The following CACNA2D3 variants were observed in gnomAD, a reference collection of about 807,000 sequenced individuals.
CACNA2D3 encodes the protein voltage-dependent calcium channel subunit alpha-2/delta-3.
Under a neutral mutation model 160.6 loss-of-function variants are expected in CACNA2D3, and 60 were observed. The observed-to-expected ratio is 0.37, with a 90% CI of 0.30 to 0.46. CACNA2D3 has a LOEUF of 0.46. Among genes scored for constraint, CACNA2D3 ranks in the 20% least tolerant of loss-of-function variants. The pLI, the probability that CACNA2D3 is intolerant of heterozygous loss-of-function variation, is 1.00. For synonymous variants in CACNA2D3, 558 were observed against 492.9 expected (o/e 1.13, Z -1.75); for missense variants, 1,205 against 1,365.0 (o/e 0.88, Z 1.85).
intron 29 of CACNA2D3, among the ~76,000 whole-genome samples, chr3:54,978,416 C>A (rs868306536): frequency 4.6e-5 from 7 of 152,168 alleles, no homozygotes; most frequent in African/African-American, 1.7e-4. Flanking sequence ...GGGTCTCTTG[C>A]ATTCAGGGTA....
intron 2 of CACNA2D3, among the ~76,000 whole-genome samples, chr3:54,312,229 G>A (rs1409603255): frequency 6.6e-6 from 1 of 152,134 alleles, no homozygotes; most frequent in African/African-American, 2.4e-5. Flanking sequence ...CTCCCCGCCA[G>A]GGCCTTCTGT....
chr3:54,281,798 T>A (rs1490287756), intron 2 of CACNA2D3, among the ~76,000 whole-genome samples: 1 of 152,240 alleles, frequency 6.6e-6, no homozygotes, highest in East Asian at 1.9e-4. Flanking sequence ...TGGCATTTCC[T>A]GGCAGTTAAG....
intron 13 of CACNA2D3, among the ~76,000 whole-genome samples, chr3:54,787,181 G>A (rs1702657868): frequency 6.6e-6 from 1 of 152,126 alleles, no homozygotes; most frequent in Non-Finnish European, 1.5e-5. Context: ...TGGAGCAATT[G>A]AATTCTGAAA....
At chr3:54,441,818 G>A (rs1276778774) in intron 4 of CACNA2D3, among the ~76,000 whole-genome samples, 1 of 152,130 alleles carries the variant, frequency 6.6e-6, no homozygotes, top group African/African-American at 2.4e-5. Flanking sequence ...GGGCCCATGG[G>A]CTGAATGAAT....
intron 23 of CACNA2D3, among the ~76,000 whole-genome samples, chr3:54,886,755 G>A (rs930853080): frequency 6.6e-6 from 1 of 151,564 alleles, no homozygotes; most frequent in Non-Finnish European, 1.5e-5. Context: ...CATACAATAT[G>A]TGTATAAAGT....
intron 2 of CACNA2D3, among the ~76,000 whole-genome samples, chr3:54,149,271 A>G (rs1271533665): frequency 1.3e-5 from 2 of 150,536 alleles, no homozygotes; most frequent in African/African-American, 4.9e-5. Flanking sequence ...CCATGTGCAC[A>G]CACACACACA....
chr3:54,541,497 A>C (rs1473393259), intron 5 of CACNA2D3, among the ~76,000 whole-genome samples: 1 of 152,070 alleles, frequency 6.6e-6, no homozygotes, highest in Non-Finnish European at 1.5e-5. Context: ...CAGCTCTGCA[A>C]ATGACTTTAC....
chr3:54,282,556 G>A (rs59207127), intron 2 of CACNA2D3, among the ~76,000 whole-genome samples: 5,747 of 152,198 alleles, frequency 0.038, 371 homozygotes, highest in African/African-American at 0.13. Flanking sequence ...TTACTATCAC[G>A]TAGACTTCTA....
chr3:54,312,108 C>T (rs1376168770), intron 2 of CACNA2D3, among the ~76,000 whole-genome samples: 2 of 152,196 alleles, frequency 1.3e-5, no homozygotes, highest in East Asian at 3.9e-4. Context: ...AAGGGAAGTG[C>T]CAGAGGGTTG....
rs1559863687 is a variant in CACNA2D3 at position 54,150,733 on chromosome 3, A to G, written c.204+27139A>G. 5.3e-5 allele frequency among the ~76,000 whole-genome samples: 8 copies of G among 152,374 alleles called. No homozygotes were observed. The South Asian group carries it at 1.7e-3, about 32-fold the overall frequency. ...AAAAATACTAGAGAGGAATAAACAA[A>G]ATGATAATTATAATTGAGCCAGGAG... On this transcript the variant is annotated intron_variant, in intron 2 of 37. Transcript: ENST00000474759.
intron 32 of CACNA2D3, 115 bp downstream of exon 32, chr3:55,004,953 A>G (rs1703059828): frequency 1.5e-6 from 1 of 679,286 alleles, no homozygotes; most frequent in East Asian, 2.8e-5. Flanking sequence ...AATCATGAAC[A>G]TTTTGACTTT....
chr3:54,808,914 A>G (rs1703207302), intron 13 of CACNA2D3, among the ~76,000 whole-genome samples: 1 of 152,140 alleles, frequency 6.6e-6, no homozygotes, highest in Non-Finnish European at 1.5e-5. Flanking sequence ...AGCCAGCCCT[A>G]AGTACTCTGG....
intron 4 of CACNA2D3, among the ~76,000 whole-genome samples, chr3:54,392,733 C>T (rs960275353): frequency 5.3e-5 from 8 of 152,122 alleles, no homozygotes; most frequent in African/African-American, 1.9e-4. Flanking sequence ...ACTTCCGATA[C>T]TTCCTAGAGC....
intron 13 of CACNA2D3, among the ~76,000 whole-genome samples, chr3:54,792,227 G>C (rs1702772121): frequency 6.6e-6 from 1 of 152,134 alleles, no homozygotes; most frequent in African/African-American, 2.4e-5. Flanking sequence ...GCCCTCCTTT[G>C]CTGTAACATG....
chr3:54,463,984 C>G, intron 4 of CACNA2D3, among the ~76,000 whole-genome samples: 2 of 152,188 alleles, frequency 1.3e-5, no homozygotes, highest in Non-Finnish European at 1.5e-5. Flanking sequence ...AGTTTTCCTT[C>G]TACCATACAG....
intron 35 of CACNA2D3, among the ~76,000 whole-genome samples, chr3:55,055,133 C>T (rs933312316): frequency 9.9e-5 from 15 of 152,044 alleles, no homozygotes; most frequent in Non-Finnish European, 2.1e-4. Context: ...AATCATTGCT[C>T]AGACTACTGC....
intron 11 of CACNA2D3, among the ~76,000 whole-genome samples, chr3:54,671,724 C>A (rs187364843): frequency 6.6e-6 from 1 of 152,148 alleles, no homozygotes; most frequent in South Asian, 2.1e-4. Flanking sequence ...AGGGAGGGGA[C>A]AAAGTCATTC....
At chr3:54,607,535 T>C (rs1325937657) in intron 9 of CACNA2D3, among the ~76,000 whole-genome samples, 1 of 151,882 alleles carries the variant, frequency 6.6e-6, no homozygotes, top group African/African-American at 2.4e-5. Context: ...CTACACACAA[T>C]AGCCAGAGTA....
intron 2 of CACNA2D3, among the ~76,000 whole-genome samples, chr3:54,210,485 A>C (rs908778203): frequency 2.0e-5 from 3 of 151,998 alleles, no homozygotes; most frequent in Non-Finnish European, 4.4e-5. Flanking sequence ...TACTGGTGTA[A>C]GAAAAAATAT....
Sources: allele counts gnomAD v4.1 joint callset (sites outside exome capture counted in the v4.1 genomes callset), GRCh38; gene constraint gnomAD v4.1.1; transcripts MANE v1.5; gene names NCBI Gene and HGNC (gene_info 2026-07-23, HGNC 2026-07-21).